GALNT18: variants seen among roughly 807,000 people sequenced by gnomAD.
GALNT18 encodes GalNAc-transferase 18.
Under a neutral mutation model 69.5 loss-of-function variants are expected in GALNT18, and 44 were observed. The ratio of observed to expected loss-of-function variants is 0.63; its 90% CI spans 0.50 to 0.81. The LOEUF (loss-of-function observed/expected upper bound fraction) is 0.81, where lower values mean the gene tolerates loss of function less well. GALNT18 is among the 40% of genes least tolerant of loss of function. The pLI is 0.00. For synonymous variants in GALNT18, 364 were observed against 318.2 expected (o/e 1.14, Z -1.53); for missense variants, 715 against 810.0 (o/e 0.88, Z 1.42).
intron 9 of GALNT18, among the ~76,000 whole-genome samples, chr11:11,303,774 T>A (rs1202815992): frequency 6.6e-6 from 1 of 152,218 alleles, no homozygotes; most frequent in Non-Finnish European, 1.5e-5. Context: ...CCTGGGACTG[T>A]TTATGGGACA....
intron 1 of GALNT18, among the ~76,000 whole-genome samples, chr11:11,559,888 G>A (rs988727667): frequency 3.3e-3 from 307 of 93,394 alleles, no homozygotes; most frequent in African/African-American, 0.011. Context: ...GAACAGAATG[G>A]GATATGATGG....
chr11:11,559,309 TG>T (rs1355881801), intron 1 of GALNT18, among the ~76,000 whole-genome samples: 1 of 152,162 alleles, frequency 6.6e-6, no homozygotes, highest in Non-Finnish European at 1.5e-5. Context: ...GGTAAATATG[TG>T]GGAGTGAGCT....
intron 1 of GALNT18, among the ~76,000 whole-genome samples, chr11:11,514,794 G>C (rs1418456251): frequency 2.0e-5 from 3 of 152,184 alleles, no homozygotes; most frequent in South Asian, 2.1e-4. Context: ...GGAGCAACCA[G>C]AGCAGAGCAG....
At chr11:11,418,653 C>T (rs920970082) in intron 3 of GALNT18, among the ~76,000 whole-genome samples, 2 of 152,196 alleles carry the variant, frequency 1.3e-5, no homozygotes, top group South Asian at 2.1e-4. Flanking sequence ...CATCTGCACT[C>T]GGCTGCCAGC....
At position 11,591,222 on chromosome 11, in the gene GALNT18, TG is replaced by T. The variant is rs1236455244; in HGVS notation, c.235+30136del. Among the ~76,000 whole-genome samples, 1 of 152,070 alleles carries T rather than the reference TG, an allele frequency of 6.6e-6. No individual in the cohort carries two copies. Among genetic ancestry groups the T allele is most frequent in the Non-Finnish European group, 1.5e-5 (1 of 68,016 alleles). ...CCTTTTTAAGGCCTTTTTAAGGCTT[TG>T]TAAGGCTTAAAAGCTAAGACACACA... is the stretch of plus-strand genomic sequence containing the variant. On this transcript the variant is annotated intron_variant, in intron 1 of 10. Transcript: ENST00000227756. This position sits in a 1 kb window ranked among gnomAD's most constrained non-coding sequence, Gnocchi z 4.8.
At chr11:11,531,387 A>G (rs1857643711) in intron 1 of GALNT18, among the ~76,000 whole-genome samples, 1 of 152,156 alleles carries the variant, frequency 6.6e-6, no homozygotes, top group African/African-American at 2.4e-5. Context: ...CCCAGTCCTG[A>G]GTGCCCTGGA....
intron 1 of GALNT18, among the ~76,000 whole-genome samples, chr11:11,522,436 A>AT (rs1448099737): frequency 2.0e-5 from 3 of 152,094 alleles, no homozygotes; most frequent in Non-Finnish European, 2.9e-5. Flanking sequence ...GTGTCCCTTG[A>AT]TTTTTTGTAG....
rs559783535 is a variant in GALNT18, at chr11:11,595,622, T to A, written c.235+25737A>T. ...TCTCATTGTGGTTTTGATTTACATT[T>A]CCCAAATGGCTAATTATGTCCAGCA... On this transcript the variant is annotated intron_variant, in intron 1 of 10. Transcript: ENST00000227756. The surrounding 1 kb of genome is among the most constrained non-coding windows in gnomAD (Gnocchi z 5.2). Among the ~76,000 whole-genome samples the A allele has an allele frequency of 6.6e-6, 1 of 152,256 alleles. No homozygotes were observed. The highest frequency in any genetic ancestry group is 1.5e-5 in the Non-Finnish European group (1 of 68,048).
In GALNT18 at chr11:11,360,987, G is replaced by A. The variant is rs1013291246; in HGVS notation, c.1092+11528C>T. Among the ~76,000 whole-genome samples, 3 of 152,200 alleles carry A rather than the reference G, an allele frequency of 2.0e-5. No homozygotes were observed. In the South Asian group the frequency reaches 6.2e-4, roughly 32 times the overall value. On this transcript the variant is annotated intron_variant, in intron 6 of 10. Coordinates refer to ENST00000227756, the MANE Select transcript of GALNT18 (RefSeq NM_198516.3). ...ACAGAAAGTCCTCAAAGTCAAAATG[G>A]AGGGAGGGGTCAAACATTCTGTTTA...
At chr11:11,450,181 A>G (rs999876477) in intron 1 of GALNT18, among the ~76,000 whole-genome samples, 1 of 152,218 alleles carries the variant, frequency 6.6e-6, no homozygotes, top group Admixed American at 6.5e-5. Flanking sequence ...GAAAAAACAG[A>G]AGCAGGTCAG....
chr11:11,379,034 C>A, intron 4 of GALNT18, 47 bp downstream of exon 4: 2 of 1,486,962 alleles, frequency 1.3e-6, no homozygotes, highest in African/African-American at 1.4e-5. Context: ...GGAGCTGAAG[C>A]CCCAGATCCC....
chr11:11,310,070 GA>G (rs1849643390), intron 9 of GALNT18, among the ~76,000 whole-genome samples: 1 of 152,148 alleles, frequency 6.6e-6, no homozygotes, highest in Non-Finnish European at 1.5e-5. Context: ...TCCCTTCACA[GA>G]AAACTCTGAG....
chr11:11,305,682 G>A (rs1713619678), intron 9 of GALNT18, among the ~76,000 whole-genome samples: 1 of 152,088 alleles, frequency 6.6e-6, no homozygotes, highest in Admixed American at 6.5e-5. Flanking sequence ...CGAGGATGTT[G>A]GCAGAATTAC....
In GALNT18 at chr11:11,605,468, G is replaced by A. The variant is rs776662741; in HGVS notation, c.235+15891C>T. ...CAGTCACCGCCACCCTGAAGACACA[G>A]GTGGTGGAGTCCATTCTGAGGTTCT... On this transcript the variant is annotated intron_variant, in intron 1 of 10. Transcript: ENST00000227756. This position sits in a 1 kb window ranked among gnomAD's most constrained non-coding sequence, Gnocchi z 4.7. Among the ~76,000 whole-genome samples the A allele has an allele frequency of 6.6e-5, 10 of 152,184 alleles. No individual in the cohort carries two copies. The highest frequency in any genetic ancestry group is 1.3e-4 in the Non-Finnish European group (9 of 68,040).
chr11:11,621,757 T>G lies in GALNT18; in HGVS notation c.-164A>C, dbSNP rs1053010759. On this transcript the variant is annotated 5_prime_UTR_variant, in exon 1 of 11. Transcript: ENST00000227756. This position sits in a 1 kb window ranked among gnomAD's most constrained non-coding sequence, Gnocchi z 9.3. ...CGGTCCGCTGCCGGTGTAGCCGCCGTGCCCAAGTTTGCAGCTCCTGCCGCT... is the reference window on the plus strand; with the variant it reads ...CGGTCCGCTGCCGGTGTAGCCGCCGGGCCCAAGTTTGCAGCTCCTGCCGCT... 24 of 604,874 alleles carry G rather than the reference T, an allele frequency of 4.0e-5. 1 individual carries two copies. Among genetic ancestry groups the G allele is most frequent in the Admixed American group, 1.5e-4 (5 of 33,920 alleles). 37.5% of individuals were successfully genotyped at this position (604,874 alleles called of 1,614,324 possible). A position where few individuals can be genotyped will look rare whatever the true frequency, so the allele number is the denominator to read the frequency against.
At chr11:11,350,000 TAACA>T (rs1850370685) in intron 6 of GALNT18, among the ~76,000 whole-genome samples, 1 of 152,320 alleles carries the variant, frequency 6.6e-6, no homozygotes, top group South Asian at 2.1e-4. Flanking sequence ...GGGTTAGCCC[TAACA>T]AACAGTTGAA....
intron 6 of GALNT18, among the ~76,000 whole-genome samples, chr11:11,365,872 T>G (rs1850755698): frequency 6.6e-6 from 1 of 152,234 alleles, no homozygotes; most frequent in African/African-American, 2.4e-5. Context: ...CTGTCATGTG[T>G]AATTCTTGGA....
At chr11:11,501,548 G>A (rs1856972229) in intron 1 of GALNT18, among the ~76,000 whole-genome samples, 1 of 152,118 alleles carries the variant, frequency 6.6e-6, no homozygotes, top group African/African-American at 2.4e-5. Context: ...GACACAATTT[G>A]CCTATATTAT....
chr11:11,548,937 G>A (rs1205535308), intron 1 of GALNT18, among the ~76,000 whole-genome samples: 1 of 152,184 alleles, frequency 6.6e-6, no homozygotes, highest in East Asian at 1.9e-4. Context: ...TTGTGGCAGA[G>A]GCTACTAGTT....
Sources: allele counts gnomAD v4.1 joint callset (sites outside exome capture counted in the v4.1 genomes callset), GRCh38; gene constraint gnomAD v4.1.1; non-coding constraint Gnocchi (gnomAD v3.1); transcripts MANE v1.5; gene names NCBI Gene and HGNC (gene_info 2026-07-23, HGNC 2026-07-21).